Variants in KCNQ1 observed in about 807,000 individuals in gnomAD.
KCNQ1 encodes the protein potassium voltage-gated channel subfamily KQT member 1.
KCNQ1 carries 49 observed loss-of-function variants against 72.4 expected under a neutral mutation model. The observed-to-expected ratio is 0.68, with a 90% CI of 0.54 to 0.86. The LOEUF is 0.86. Among genes scored for constraint, KCNQ1 ranks in the 40% least tolerant of loss-of-function variants. The pLI, the probability that KCNQ1 is intolerant of heterozygous loss-of-function variation, is 0.00. For synonymous variants in KCNQ1, 450 were observed against 412.6 expected, an observed-to-expected ratio of 1.09 and a Z score of -1.10; for missense variants, 790 against 945.1, an observed-to-expected ratio of 0.84 and a Z score of 2.15.
At chr11:2,576,919 G>A (rs145786404) in intron 6 of KCNQ1, among the ~76,000 whole-genome samples, 39 of 152,330 alleles carry the variant, frequency 2.6e-4, no homozygotes, top group Middle Eastern at 6.8e-3. Flanking sequence ...AAAGGGGAAC[G>A]AGTTCAGCTG....
intron 10 of KCNQ1, among the ~76,000 whole-genome samples, chr11:2,589,718 A>G (rs1848646618): frequency 6.6e-6 from 1 of 152,174 alleles, no homozygotes; most frequent in South Asian, 2.1e-4. Context: ...TGCTGTTCCC[A>G]GAAGTGCAGC....
At chr11:2,806,215 T>C (rs1168183067) in intron 15 of KCNQ1, among the ~76,000 whole-genome samples, 1 of 152,176 alleles carries the variant, frequency 6.6e-6, no homozygotes, top group East Asian at 1.9e-4. Context: ...TTTTTTCATA[T>C]TTTTCAAAAT....
chr11:2,657,449 T>C lies in KCNQ1; in HGVS notation c.1394-4512T>C. ...CTTAGTTAGATAATTAATATTCTTT[T>C]GTGCTATTGTATACAGGTTCTGTTT... is the stretch of plus-strand genomic sequence containing the variant. On this transcript the variant is annotated intron_variant, in intron 10 of 15. Coordinates refer to ENST00000155840, the MANE Select transcript of KCNQ1 (RefSeq NM_000218.3). This position sits in a 1 kb window ranked among gnomAD's most constrained non-coding sequence, Gnocchi z 4.8. The C allele has an allele frequency of 2.5e-6, 1 of 398,604 alleles. No homozygotes were observed. Among genetic ancestry groups the C allele is most frequent in the Non-Finnish European group, 4.4e-6 (1 of 226,046 alleles). 24.7% of individuals were successfully genotyped at this position (398,604 alleles called of 1,614,324 possible).
chr11:2,584,677 TTGTG>T (rs758714048), intron 7 of KCNQ1, among the ~76,000 whole-genome samples: 190 of 151,658 alleles, frequency 1.3e-3, no homozygotes, highest in African/African-American at 4.3e-3. Context: ...GGGTTAGTGT[TTGTG>T]TGTGTGTCAG....
intron 11 of KCNQ1, chr11:2,689,042 T>C: frequency 2.5e-6 from 1 of 398,880 alleles, no homozygotes; most frequent in East Asian, 3.6e-5. Flanking sequence ...TGCAGGGTTT[T>C]GAGGGGCAGT....
intron 11 of KCNQ1, among the ~76,000 whole-genome samples, chr11:2,730,601 C>T (rs547011185): frequency 1.3e-5 from 2 of 152,300 alleles, no homozygotes; most frequent in East Asian, 1.9e-4. Flanking sequence ...TGCAGGGGGC[C>T]TGGGAGGCCC....
chr11:2,844,552 C>T (rs1050538895), intron 15 of KCNQ1, among the ~76,000 whole-genome samples: 1 of 152,166 alleles, frequency 6.6e-6, no homozygotes, highest in Non-Finnish European at 1.5e-5. Context: ...GGCTGCCTCC[C>T]GACCCCAAAG....
chr11:2,708,769 G>A (rs941967958), intron 11 of KCNQ1, among the ~76,000 whole-genome samples: 1 of 152,160 alleles, frequency 6.6e-6, no homozygotes, highest in Admixed American at 6.5e-5. Context: ...AATGGCCAGG[G>A]CTAAAGCCCT....
At chr11:2,525,120 C>A (rs7952607) in intron 1 of KCNQ1, among the ~76,000 whole-genome samples, 5,496 of 152,278 alleles carry the variant, frequency 0.036, 319 homozygotes, top group African/African-American at 0.12. Context: ...CTGGGGGCTG[C>A]AGGGTGTGGG....
At chr11:2,692,061 C>T (rs1590035854) in intron 11 of KCNQ1, 4 of 398,840 alleles carry the variant, frequency 1.0e-5, no homozygotes, top group Non-Finnish European at 1.8e-5. Flanking sequence ...TCCAACCCAG[C>T]CAGACCCACA....
In KCNQ1 at chr11:2,544,386, ATATATGTGTATATATG is replaced by A. The variant is rs1388654644; in HGVS notation, c.477+16370_477+16385del. Among the ~76,000 whole-genome samples, 71 of 107,016 alleles carry A rather than the reference ATATATGTGTATATATG, an allele frequency of 6.6e-4. No homozygotes were observed. Among genetic ancestry groups the A allele is most frequent in the African/African-American group, 2.5e-3 (65 of 26,472 alleles). 70.2% of individuals were successfully genotyped at this position (107,016 alleles called of 152,430 possible). A position where few individuals can be genotyped will look rare whatever the true frequency, so the allele number is the denominator to read the frequency against. On this transcript the variant is annotated intron_variant, in intron 2 of 15. Transcript: ENST00000155840. This position sits in a 1 kb window ranked among gnomAD's most constrained non-coding sequence, Gnocchi z 4.4. ...TATATATGTGTATATATATGTGTGC[ATATATGTGTATATATG>A]TGTGTGTATATATATATATGGTTAC... is the stretch of plus-strand genomic sequence containing the variant.
At chr11:2,448,922 G>A (rs1846081970) in intron 1 of KCNQ1, among the ~76,000 whole-genome samples, 2 of 152,206 alleles carry the variant, frequency 1.3e-5, no homozygotes, top group Non-Finnish European at 1.5e-5. Flanking sequence ...CCTTACCCCT[G>A]GCCGTCAGCT....
intron 2 of KCNQ1, among the ~76,000 whole-genome samples, chr11:2,554,246 T>G (rs1848036366): frequency 6.6e-6 from 1 of 152,242 alleles, no homozygotes; most frequent in African/African-American, 2.4e-5. Context: ...AAACATTTGA[T>G]AGCTAGAACA....
intron 11 of KCNQ1, chr11:2,696,913 T>TTA (rs1850686350): frequency 7.5e-6 from 3 of 398,488 alleles, no homozygotes; most frequent in African/African-American, 2.1e-5. Context: ...TACACTGATC[T>TTA]TATATCCAAA....
intron 11 of KCNQ1, chr11:2,694,104 G>A (rs1038237207): frequency 5.8e-5 from 23 of 398,550 alleles, no homozygotes; most frequent in Non-Finnish European, 9.7e-5. Context: ...GCAGCCCATA[G>A]GTTGTGGGAC....
intron 1 of KCNQ1, among the ~76,000 whole-genome samples, chr11:2,459,465 G>A (rs1220690717): frequency 6.6e-6 from 1 of 152,188 alleles, no homozygotes; most frequent in Non-Finnish European, 1.5e-5. Flanking sequence ...GTAATGAGGA[G>A]CTGTGCGGGT....
At position 2,752,695 on chromosome 11, in the gene KCNQ1, C is replaced by T. The variant is rs187449461; in HGVS notation, c.1515-16149C>T. 3.2e-3 allele frequency among the ~76,000 whole-genome samples: 485 copies of T among 152,194 alleles called. 3 individuals carry two copies. The highest frequency in any genetic ancestry group is 0.011 in the African/African-American group (469 of 41,528). On this transcript the variant is annotated intron_variant, in intron 11 of 15. Transcript: ENST00000155840. This position sits in a 1 kb window ranked among gnomAD's most constrained non-coding sequence, Gnocchi z 5.2. ...TTCCTGAAGGCTCTGCCCTCACGGC[C>T]GAATCACCTCTCAAATGCGCCATCT...
intron 10 of KCNQ1, chr11:2,650,476 C>CTGGTTT: frequency 2.5e-6 from 1 of 398,616 alleles, no homozygotes; most frequent in East Asian, 3.6e-5. Context: ...GGTTCTGGTT[C>CTGGTTT]AGTGCAGAAG....
rs1849902482 is a variant in KCNQ1, at chr11:2,659,015, C to T, written c.1394-2946C>T. 1 of 398,546 alleles carries T rather than the reference C, an allele frequency of 2.5e-6. No individual in the cohort carries two copies. The highest frequency in any genetic ancestry group is 4.4e-6 in the Non-Finnish European group (1 of 226,066). The allele number at this position is 398,546 out of a possible 1,614,324, so 24.7% of individuals were successfully genotyped here. On this transcript the variant is annotated intron_variant, in intron 10 of 15. Transcript: ENST00000155840. The surrounding 1 kb of genome is among the most constrained non-coding windows in gnomAD (Gnocchi z 4.3). The stretch of plus-strand genomic sequence containing the variant: ...TTTTTGAAAGCAACATATGCCAGCT[C>T]CTCCTCCTCCTTTCCTTTCACTGCT...
Sources: allele counts gnomAD v4.1 joint callset (sites outside exome capture counted in the v4.1 genomes callset), GRCh38; gene constraint gnomAD v4.1.1; non-coding constraint Gnocchi (gnomAD v3.1); transcripts MANE v1.5; gene names NCBI Gene and HGNC (gene_info 2026-07-23, HGNC 2026-07-21).